CSMD1: variants seen among roughly 807,000 people sequenced by gnomAD.
CSMD1 encodes CUB and sushi domain-containing protein 1.
CSMD1 carries 213 observed loss-of-function variants against 417.5 expected under a neutral mutation model. The observed-to-expected ratio is 0.51, with a 90% confidence interval of 0.46 to 0.57. CSMD1 has a LOEUF of 0.57. Ranked by LOEUF, CSMD1 falls within the 20% of genes least tolerant of loss-of-function variation. The pLI, the probability that CSMD1 is intolerant of heterozygous loss-of-function variation, is 0.00. For missense variants in CSMD1, 6,923 were observed against 4,529.7 expected, an observed-to-expected ratio of 1.53 and a Z score of -15.17; for synonymous variants, 2,862 against 1,736.8, an observed-to-expected ratio of 1.65 and a Z score of -16.11.
At chr8:3,023,411 A>C (rs1809605166) in intron 51 of CSMD1, among the ~76,000 whole-genome samples, 1 of 152,218 alleles carries the variant, frequency 6.6e-6, no homozygotes, top group Admixed American at 6.5e-5. Context: ...ACAATAAATA[A>C]ATGTAATAAG....
intron 3 of CSMD1, among the ~76,000 whole-genome samples, chr8:4,413,893 TAA>T (rs1221150825): frequency 6.6e-6 from 1 of 152,210 alleles, no homozygotes; most frequent in Non-Finnish European, 1.5e-5. Context: ...TTTACCAGTC[TAA>T]GTTACCTAAT....
At chr8:4,384,313 C>G (rs911589676) in intron 3 of CSMD1, among the ~76,000 whole-genome samples, 1 of 152,098 alleles carries the variant, frequency 6.6e-6, no homozygotes, top group Admixed American at 6.5e-5. Flanking sequence ...AGGGCAGTTC[C>G]GAAATCTACC....
chr8:4,897,262 C>T (rs1016605735), intron 1 of CSMD1, among the ~76,000 whole-genome samples: 1 of 151,834 alleles, frequency 6.6e-6, no homozygotes, highest in African/African-American at 2.4e-5. Flanking sequence ...ATCGTATCAA[C>T]CAAAAATTTA....
intron 7 of CSMD1, among the ~76,000 whole-genome samples, chr8:3,617,014 G>A (rs556931270): frequency 2.0e-5 from 3 of 152,040 alleles, no homozygotes; most frequent in Admixed American, 1.3e-4. Flanking sequence ...GATAATCTTT[G>A]GTTTTATTTC....
chr8:3,426,481 T>A (rs894293513), intron 12 of CSMD1, among the ~76,000 whole-genome samples: 2 of 152,202 alleles, frequency 1.3e-5, no homozygotes, highest in African/African-American at 2.4e-5. Flanking sequence ...AGCTGGAGAC[T>A]GTCCACCTGC....
intron 23 of CSMD1, among the ~76,000 whole-genome samples, chr8:3,310,445 T>A (rs1168225439): frequency 6.6e-6 from 1 of 152,186 alleles, no homozygotes; most frequent in Non-Finnish European, 1.5e-5. Flanking sequence ...CAGAATGACT[T>A]GTTGGAGGTG....
At chr8:3,614,953 G>A (rs1802064935) in intron 8 of CSMD1, among the ~76,000 whole-genome samples, 1 of 152,204 alleles carries the variant, frequency 6.6e-6, no homozygotes, top group African/African-American at 2.4e-5. Context: ...AGAGGGACAT[G>A]AAAGACATGA....
intron 5 of CSMD1, among the ~76,000 whole-genome samples, chr8:3,920,789 T>G (rs192919453): frequency 6.6e-6 from 1 of 152,150 alleles, no homozygotes; most frequent in Non-Finnish European, 1.5e-5. Context: ...GATTTGCGTA[T>G]GTTAAAACAA....
intron 46 of CSMD1, among the ~76,000 whole-genome samples, chr8:3,105,838 G>C (rs552496484): frequency 6.6e-6 from 1 of 152,176 alleles, no homozygotes; most frequent in South Asian, 2.1e-4. Context: ...TAACAGATAG[G>C]CATGTGATAA....
chr8:4,067,150 A>C (rs1333379184), intron 3 of CSMD1, among the ~76,000 whole-genome samples: 3 of 152,236 alleles, frequency 2.0e-5, no homozygotes, highest in Non-Finnish European at 4.4e-5. Flanking sequence ...AACCAAAGGG[A>C]AAGCAAGGAT....
At chr8:3,208,744 G>T (rs10093718) in intron 30 of CSMD1, among the ~76,000 whole-genome samples, 80,578 of 151,726 alleles carry the variant, frequency 0.53, 21,658 homozygotes, top group African/African-American at 0.62. Context: ...CTGCAGCATG[G>T]CTAGAATATA....
At chr8:3,439,544 C>A (rs1385943322) in intron 12 of CSMD1, among the ~76,000 whole-genome samples, 3 of 148,852 alleles carry the variant, frequency 2.0e-5, no homozygotes, top group African/African-American at 7.4e-5. Flanking sequence ...CTTAAGAGTT[C>A]TTTATGAGTT....
chr8:4,487,145 G>A (rs1475773475), intron 2 of CSMD1, among the ~76,000 whole-genome samples: 2 of 152,142 alleles, frequency 1.3e-5, no homozygotes, highest in Non-Finnish European at 2.9e-5. Context: ...TTCAAGCAAT[G>A]TGTAATAATG....
intron 2 of CSMD1, among the ~76,000 whole-genome samples, chr8:4,496,281 G>T (rs942419377): frequency 1.3e-5 from 2 of 152,198 alleles, no homozygotes; most frequent in African/African-American, 2.4e-5. Context: ...GCTGGGATAA[G>T]GTGGATTGAA....
chr8:3,165,879 A>G (rs893798724), intron 37 of CSMD1, among the ~76,000 whole-genome samples: 1 of 152,194 alleles, frequency 6.6e-6, no homozygotes, highest in African/African-American at 2.4e-5. Flanking sequence ...AACCATCTAC[A>G]GAATGGCTCC....
At chr8:3,121,918 C>G (rs546820563) in intron 41 of CSMD1, among the ~76,000 whole-genome samples, 1 of 152,020 alleles carries the variant, frequency 6.6e-6, no homozygotes, top group African/African-American at 2.4e-5. Context: ...GTCATAAGTT[C>G]AAATAAAGTT....
intron 1 of CSMD1, among the ~76,000 whole-genome samples, chr8:4,935,888 G>A (rs1487053500): frequency 1.3e-5 from 2 of 152,162 alleles, no homozygotes; most frequent in Non-Finnish European, 2.9e-5. Context: ...GCAATTTCTG[G>A]GCTGTCTTCC....
intron 2 of CSMD1, among the ~76,000 whole-genome samples, chr8:4,467,622 T>A (rs1800263454): frequency 6.6e-6 from 1 of 152,246 alleles, no homozygotes; most frequent in African/African-American, 2.4e-5. Context: ...ACAATTCTTT[T>A]CAGTTTTCTG....
chr8:3,973,792 T>G (rs1419120567), intron 5 of CSMD1, among the ~76,000 whole-genome samples: 1 of 152,238 alleles, frequency 6.6e-6, no homozygotes, highest in Non-Finnish European at 1.5e-5. Flanking sequence ...CAGTATCTAT[T>G]TCTCAGAAAC....
Sources: gnomAD v4.1 joint callset for allele counts (sites outside exome capture counted in the v4.1 genomes callset) on GRCh38, gnomAD v4.1.1 for gene constraint, MANE v1.5 for transcripts, NCBI Gene and HGNC (gene_info 2026-07-23, HGNC 2026-07-21) for gene names.